PDE11A: variants seen among roughly 807,000 people sequenced by gnomAD.
PDE11A encodes the protein dual 3',5'-cyclic-AMP and -GMP phosphodiesterase 11A.
Under a neutral mutation model 100.5 loss-of-function variants are expected in PDE11A, and 100 were observed. The ratio of observed to expected loss-of-function variants is 1.00; its 90% CI spans 0.85 to 1.18. PDE11A has a LOEUF of 1.18. Among genes scored for constraint, PDE11A ranks in the 50% most tolerant of loss-of-function variants. The probability of loss-of-function intolerance (pLI) is 0.00; values close to 1 mark genes in which losing one functional copy is unlikely to be tolerated. For missense variants in PDE11A, 1,141 were observed against 1,152.6 expected (o/e 0.99, Z 0.15); for synonymous variants, 381 against 420.8 (o/e 0.91, Z 1.16).
At chr2:177,813,588 A>G (rs745504956) in intron 9 of PDE11A, among the ~76,000 whole-genome samples, 1 of 152,130 alleles carries the variant, frequency 6.6e-6, no homozygotes, top group African/African-American at 2.4e-5. Flanking sequence ...CTTTCAGAGG[A>G]TGTACCATGG....
At chr2:177,915,665 C>T (rs2084942047) in intron 2 of PDE11A, among the ~76,000 whole-genome samples, 1 of 152,136 alleles carries the variant, frequency 6.6e-6, no homozygotes, top group Admixed American at 6.5e-5. Context: ...CATTCATGTG[C>T]CAGTTTTTGT....
chr2:178,060,154 G>A (rs985398684), intron 1 of PDE11A, among the ~76,000 whole-genome samples: 1 of 152,186 alleles, frequency 6.6e-6, no homozygotes, highest in Non-Finnish European at 1.5e-5. Context: ...AGGAAGGAAA[G>A]AATCCTCTCT....
intron 1 of PDE11A, among the ~76,000 whole-genome samples, chr2:178,070,964 CCT>C (rs2087119008): frequency 6.6e-6 from 1 of 152,146 alleles, no homozygotes; most frequent in Non-Finnish European, 1.5e-5. Flanking sequence ...CCATTTTTCC[CCT>C]GACATTCCTC....
intron 19 of PDE11A, among the ~76,000 whole-genome samples, chr2:177,634,444 A>G (rs79165810): frequency 0.066 from 9,708 of 146,538 alleles, 897 homozygotes; most frequent in African/African-American, 0.21. Flanking sequence ...GCTGGAGTGC[A>G]GTGGGGCGAT....
chr2:178,028,201 C>G (rs1574351936), intron 1 of PDE11A, among the ~76,000 whole-genome samples: 1 of 149,732 alleles, frequency 6.7e-6, no homozygotes, highest in Non-Finnish European at 1.5e-5. Flanking sequence ...AGGCCAGGCT[C>G]TTTATTTCCT....
chr2:177,955,640 C>T (rs12693148), intron 2 of PDE11A, among the ~76,000 whole-genome samples: 9,638 of 152,164 alleles, frequency 0.063, 317 homozygotes, highest in South Asian at 0.095. Context: ...GGAGGCATCA[C>T]GCTACCTGAC....
At chr2:177,857,003 T>C (rs903919474) in intron 5 of PDE11A, among the ~76,000 whole-genome samples, 1 of 151,998 alleles carries the variant, frequency 6.6e-6, no homozygotes. Flanking sequence ...CTAGACATAT[T>C]ATAATCAAAC....
At chr2:177,668,539 T>C (rs938659704) in intron 18 of PDE11A, among the ~76,000 whole-genome samples, 1 of 152,188 alleles carries the variant, frequency 6.6e-6, no homozygotes, top group Admixed American at 6.5e-5. Flanking sequence ...CTTTTGTACA[T>C]AAGCAACCAA....
intron 2 of PDE11A, among the ~76,000 whole-genome samples, chr2:177,912,531 T>A (rs2084897032): frequency 6.6e-6 from 1 of 152,190 alleles, no homozygotes; most frequent in African/African-American, 2.4e-5. Flanking sequence ...TTTGGTCCTA[T>A]GTCCACCCCC....
chr2:177,982,929 A>G (rs777262052), intron 2 of PDE11A, among the ~76,000 whole-genome samples: 3 of 150,204 alleles, frequency 2.0e-5, no homozygotes, highest in Admixed American at 6.6e-5. Context: ...AAAATACAAA[A>G]ATTAGCCAGA....
intron 2 of PDE11A, among the ~76,000 whole-genome samples, chr2:177,962,163 C>T (rs2085642928): frequency 6.6e-6 from 1 of 150,482 alleles, no homozygotes; most frequent in African/African-American, 2.4e-5. Context: ...TCTCATATTG[C>T]AATTTAAGCC....
At chr2:177,904,716 G>A (rs1343949892) in intron 3 of PDE11A, among the ~76,000 whole-genome samples, 2 of 151,942 alleles carry the variant, frequency 1.3e-5, no homozygotes, top group Non-Finnish European at 2.9e-5. Context: ...ACCACGCCCG[G>A]CTAATTTTTG....
chr2:177,786,500 C>T (rs1311115595), intron 9 of PDE11A, among the ~76,000 whole-genome samples: 3 of 152,190 alleles, frequency 2.0e-5, no homozygotes, highest in South Asian at 2.1e-4. Context: ...TCCAAAGGAA[C>T]GCAGTTCCTC....
chr2:177,951,119 C>T (rs1052076522), intron 2 of PDE11A, among the ~76,000 whole-genome samples: 4 of 152,040 alleles, frequency 2.6e-5, no homozygotes, highest in East Asian at 1.9e-4. Context: ...TTCCTCTGAG[C>T]TAAGTGTAAA....
chr2:177,623,656 C>G lies in PDE11A; in HGVS notation c.*5751G>C, dbSNP rs769108297. ...AGAAAAATTGAGATTCGAATACACA[C>G]GCATATACACACAGAAAATGAACAC... On this transcript the variant is annotated 3_prime_UTR_variant, in exon 20 of 20. Transcript: ENST00000286063. 6.6e-6 allele frequency: 1 copy of G among 152,226 alleles called. No individual in the cohort carries two copies. Among genetic ancestry groups the G allele is most frequent in the Admixed American group, 6.5e-5 (1 of 15,298 alleles). The allele number at this position is 152,226 out of a possible 1,614,324, so 9.4% of individuals were successfully genotyped here.
At chr2:177,922,687 C>A (rs535841857) in intron 2 of PDE11A, 16 of 985,196 alleles carry the variant, frequency 1.6e-5, no homozygotes, top group Middle Eastern at 5.2e-4. Flanking sequence ...ACTCCCTCAC[C>A]CCCACTCCAA....
intron 5 of PDE11A, among the ~76,000 whole-genome samples, chr2:177,874,338 T>C (rs1470734722): frequency 6.6e-6 from 1 of 152,200 alleles, no homozygotes; most frequent in Admixed American, 6.5e-5. Flanking sequence ...ATGGAACACA[T>C]AACAGTCAAA....
intron 1 of PDE11A, among the ~76,000 whole-genome samples, chr2:178,070,004 A>G (rs1178592141): frequency 6.6e-6 from 1 of 152,182 alleles, no homozygotes; most frequent in African/African-American, 2.4e-5. Flanking sequence ...ATGTGGGAAA[A>G]AAAAATTGGA....
At position 177,769,765 on chromosome 2, in the gene PDE11A, T is replaced by C. The variant is rs137880389; in HGVS notation, c.1738-392A>G. Among the ~76,000 whole-genome samples the C allele has an allele frequency of 7.9e-3, 1,196 of 151,784 alleles. 15 individuals carry two copies. The highest frequency in any genetic ancestry group is 0.027 in the African/African-American group (1,129 of 41,370). Reference sequence around the variant, plus strand: ...AGCTGGGCATGGTGGTGTGTGTCTGTAGTCCCAGCTATTCAGGGAGGCTGA... The same window carrying C: ...AGCTGGGCATGGTGGTGTGTGTCTGCAGTCCCAGCTATTCAGGGAGGCTGA... On this transcript the variant is annotated intron_variant, in intron 9 of 19. Coordinates refer to ENST00000286063, the MANE Select transcript of PDE11A (RefSeq NM_016953.4).
Sources: allele counts gnomAD v4.1 joint callset (sites outside exome capture counted in the v4.1 genomes callset), GRCh38; gene constraint gnomAD v4.1.1; transcripts MANE v1.5; gene names NCBI Gene and HGNC (gene_info 2026-07-23, HGNC 2026-07-21).